Variants in PLD5 observed in about 807,000 individuals in gnomAD.
PLD5 encodes the protein inactive phospholipase D5.
Under a neutral mutation model 61.1 loss-of-function variants are expected in PLD5, and 36 were observed. The observed-to-expected ratio is 0.59, with a 90% CI of 0.45 to 0.78. The LOEUF (loss-of-function observed/expected upper bound fraction) is 0.78. Among genes scored for constraint, PLD5 ranks in the 30% least tolerant of loss-of-function variants. PLD5 has a pLI of 0.00. For synonymous variants in PLD5, 243 were observed against 242.8 expected, an observed-to-expected ratio of 1.00 and a Z score of -0.01; for missense variants, 515 against 644.4, an observed-to-expected ratio of 0.80 and a Z score of 2.17.
Position 242,289,066 on chromosome 1 carries a change from T to C in PLD5, c.327-536A>G, listed in dbSNP as rs1208619863. ...GTGTAAAGTGACACTGAGAAGAAAA[T>C]TATAAAACCTGCTTGTTGCAGGGCT... On this transcript the variant is annotated intron_variant, in intron 2 of 9. Coordinates refer to ENST00000536534, the MANE Select transcript of PLD5 (RefSeq NM_001372062.1). 7.2e-5 allele frequency among the ~76,000 whole-genome samples: 11 copies of C among 152,134 alleles called. No individual in the cohort carries two copies. The East Asian group carries it at 1.7e-3, about 24-fold the overall frequency.
intron 5 of PLD5, among the ~76,000 whole-genome samples, chr1:242,126,983 G>T (rs1278217019): frequency 7.2e-6 from 1 of 138,480 alleles, no homozygotes; most frequent in Non-Finnish European, 1.5e-5. Context: ...CCATAAAAAA[G>T]TAGGCTAAGG....
chr1:242,350,189 A>G (rs1222285003), intron 1 of PLD5, among the ~76,000 whole-genome samples: 2 of 152,184 alleles, frequency 1.3e-5, no homozygotes, highest in Non-Finnish European at 2.9e-5. Context: ...TGGATTTCCC[A>G]GCCTCCAAAA....
intron 2 of PLD5, among the ~76,000 whole-genome samples, chr1:242,347,270 T>A (rs752064999): frequency 5.3e-5 from 8 of 152,138 alleles, no homozygotes; most frequent in Non-Finnish European, 1.0e-4. Context: ...AGTTGGGGGG[T>A]GGTCTTAGGC....
chr1:242,243,751 G>T (rs970898079), intron 4 of PLD5, among the ~76,000 whole-genome samples: 1 of 152,136 alleles, frequency 6.6e-6, no homozygotes, highest in Admixed American at 6.5e-5. Context: ...AAAAGTGAAA[G>T]CTCTCAGGGC....
chr1:242,227,366 GT>G (rs1671016127), intron 4 of PLD5, among the ~76,000 whole-genome samples: 3 of 151,898 alleles, frequency 2.0e-5, no homozygotes, highest in African/African-American at 7.3e-5. Flanking sequence ...TGCTCTGTTT[GT>G]TTGTTTTGTT....
intron 5 of PLD5, among the ~76,000 whole-genome samples, chr1:242,132,700 G>A (rs935252396): frequency 7.9e-5 from 12 of 152,060 alleles, no homozygotes; most frequent in Non-Finnish European, 7.4e-5. Context: ...TTACTCTCCC[G>A]CCCCTTCATT....
intron 5 of PLD5, among the ~76,000 whole-genome samples, chr1:242,190,470 G>A (rs1365501779): frequency 6.6e-6 from 1 of 151,932 alleles, no homozygotes; most frequent in Non-Finnish European, 1.5e-5. Flanking sequence ...TTATGGACGA[G>A]GTGCTCCTCA....
chr1:242,332,555 T>C (rs1378495786), intron 2 of PLD5, among the ~76,000 whole-genome samples: 1 of 152,240 alleles, frequency 6.6e-6, no homozygotes, highest in Non-Finnish European at 1.5e-5. Context: ...GTTGTTTTCC[T>C]GACTTTTTAA....
chr1:242,345,692 C>T, intron 2 of PLD5: 1 of 745,954 alleles, frequency 1.3e-6, no homozygotes, highest in South Asian at 1.4e-5. Flanking sequence ...TCCTCAGACC[C>T]TATCAGGAGA....
intron 1 of PLD5, among the ~76,000 whole-genome samples, chr1:242,486,771 T>C (rs1031582928): frequency 2.0e-5 from 3 of 152,202 alleles, no homozygotes; most frequent in Admixed American, 2.0e-4. Context: ...CGTATGTTTA[T>C]TGTGGCACTA....
intron 1 of PLD5, among the ~76,000 whole-genome samples, chr1:242,457,752 T>G (rs371435345): frequency 6.6e-6 from 1 of 152,194 alleles, no homozygotes; most frequent in African/African-American, 2.4e-5. Flanking sequence ...GCGATCCAGG[T>G]CCGGCTCAAC....
chr1:242,328,294 T>C (rs1310457884), intron 2 of PLD5, among the ~76,000 whole-genome samples: 1 of 3,780 alleles, frequency 2.6e-4, no homozygotes, highest in African/African-American at 3.5e-4. Flanking sequence ...TATATGTATG[T>C]ATGTTCTACA....
At chr1:242,257,654 T>A (rs1179229358) in intron 4 of PLD5, among the ~76,000 whole-genome samples, 1 of 152,200 alleles carries the variant, frequency 6.6e-6, no homozygotes, top group Non-Finnish European at 1.5e-5. Context: ...AATAAGTATA[T>A]GAAATAATGC....
chr1:242,114,031 G>A lies in PLD5; in HGVS notation c.934-5C>T, dbSNP rs767879155. ...GCAAAAGAGTTTTGGAGAATTCTGTGAAGACACAAAAGCCAAACTTTTAGC... is the reference window on the plus strand; with the variant it reads ...GCAAAAGAGTTTTGGAGAATTCTGTAAAGACACAAAAGCCAAACTTTTAGC... On this transcript the variant is annotated splice_polypyrimidine_tract_variant and splice_region_variant and intron_variant, in intron 6 of 9. Transcript: ENST00000536534. 8.7e-6 allele frequency: 14 copies of A among 1,611,444 alleles called. No individual in the cohort carries two copies. Among genetic ancestry groups the A allele is most frequent in the Non-Finnish European group, 1.2e-5 (14 of 1,178,968 alleles).
At chr1:242,121,976 G>A (rs1264957099) in intron 6 of PLD5, among the ~76,000 whole-genome samples, 1 of 151,810 alleles carries the variant, frequency 6.6e-6, no homozygotes, top group South Asian at 2.1e-4. Flanking sequence ...AGCATTAGGA[G>A]ATACACCTAA....
At chr1:242,475,321 G>A (rs1667557343) in intron 1 of PLD5, among the ~76,000 whole-genome samples, 1 of 150,426 alleles carries the variant, frequency 6.6e-6, no homozygotes, top group Non-Finnish European at 1.5e-5. Flanking sequence ...TACTCGGGAG[G>A]CTGAGGCAGG....
intron 4 of PLD5, among the ~76,000 whole-genome samples, chr1:242,264,050 T>C (rs1342272257): frequency 6.6e-6 from 1 of 151,790 alleles, no homozygotes. Context: ...GCTAGGAAAC[T>C]CCATAAGGAA....
At chr1:242,246,213 A>G (rs1398766145) in intron 4 of PLD5, among the ~76,000 whole-genome samples, 1 of 151,960 alleles carries the variant, frequency 6.6e-6, no homozygotes, top group Non-Finnish European at 1.5e-5. Context: ...ACCAAAAAAA[A>G]TACTTAGCCA....
At chr1:242,443,696 A>C (rs1289743103) in intron 1 of PLD5, among the ~76,000 whole-genome samples, 1 of 152,162 alleles carries the variant, frequency 6.6e-6, no homozygotes, top group Non-Finnish European at 1.5e-5. Flanking sequence ...AAGTTTTGCT[A>C]TTATTCTTGA....
Sources: allele counts gnomAD v4.1 joint callset (sites outside exome capture counted in the v4.1 genomes callset), GRCh38; gene constraint gnomAD v4.1.1; transcripts MANE v1.5; gene names NCBI Gene and HGNC (gene_info 2026-07-23, HGNC 2026-07-21).